MKX: variants seen among roughly 807,000 people sequenced by gnomAD.
MKX encodes the protein mohawk homeobox, also known as homeobox protein Mohawk.
Under a neutral mutation model 36.0 loss-of-function variants are expected in MKX, and 13 were observed. The ratio of observed to expected loss-of-function variants is 0.36; its 90% CI spans 0.24 to 0.57. The LOEUF (loss-of-function observed/expected upper bound fraction) is 0.57. Among genes scored for constraint, MKX ranks in the 20% least tolerant of loss-of-function variants. The pLI is 0.79. For missense variants in MKX, 458 were observed against 456.4 expected, an observed-to-expected ratio of 1.00 and a Z score of -0.03; for synonymous variants, 176 against 178.3, an observed-to-expected ratio of 0.99 and a Z score of 0.10.
At chr10:27,713,511 G>C (rs908675561) in intron 5 of MKX, among the ~76,000 whole-genome samples, 2 of 152,204 alleles carry the variant, frequency 1.3e-5, no homozygotes, top group Non-Finnish European at 2.9e-5. Flanking sequence ...CAAGTGGAAA[G>C]AGCCTGAACC....
intron 5 of MKX, among the ~76,000 whole-genome samples, chr10:27,702,606 G>A (rs1353340624): frequency 6.6e-6 from 1 of 152,076 alleles, no homozygotes; most frequent in Non-Finnish European, 1.5e-5. Flanking sequence ...TGTGTCTAAG[G>A]GTGAAAGAAG....
intron 5 of MKX, among the ~76,000 whole-genome samples, chr10:27,716,623 A>C (rs1203017333): frequency 6.6e-6 from 1 of 152,162 alleles, no homozygotes; most frequent in Non-Finnish European, 1.5e-5. Context: ...ACTTACTTAG[A>C]CAGGATTTGA....
Position 27,734,662 on chromosome 10 carries a change from T to C in MKX, c.632A>G (p.Asp211Gly). 1.2e-6 allele frequency: 2 copies of C among 1,614,144 alleles called. No individual in the cohort carries two copies. The highest frequency in any genetic ancestry group is 2.2e-5 in the East Asian group (1 of 44,876). The change falls in exon 5 of 7, where the codon GAC becomes GGC. Residue 211 changes from aspartate to glycine, a missense_variant. Around this residue, in one of 3 missense-constraint regions of MKX, gnomAD observed 297 missense variants for 304.4 expected, o/e 0.98. Coordinates refer to ENST00000419761, the MANE Select transcript of MKX (RefSeq NM_173576.3). ...GVRPESRASE[D>G]YVAPPKYKSS... The stretch of plus-strand genomic sequence containing the variant: ...CTTGTATTTGGGGGGTGCCACGTAG[T>C]CCTCACTGGCCCGTGACTCTGGCCT...
At chr10:27,683,415 A>C (rs1211055472) in intron 5 of MKX, among the ~76,000 whole-genome samples, 2 of 152,254 alleles carry the variant, frequency 1.3e-5, no homozygotes, top group Non-Finnish European at 2.9e-5. Context: ...GGTTTGTGTT[A>C]GTACACACTA....
intron 1 of MKX, chr10:27,745,014 C>T (rs1171078825): frequency 6.6e-6 from 1 of 152,370 alleles, no homozygotes; most frequent in Non-Finnish European, 1.5e-5. Flanking sequence ...GTGCTTGCAG[C>T]CCCTGTTCTA....
chr10:27,685,736 C>A (rs545916990), intron 5 of MKX, among the ~76,000 whole-genome samples: 1 of 152,298 alleles, frequency 6.6e-6, no homozygotes, highest in Non-Finnish European at 1.5e-5. Flanking sequence ...AGGCGTCAGC[C>A]ACCACACCCG....
At chr10:27,682,616 G>A (rs947740369) in intron 5 of MKX, among the ~76,000 whole-genome samples, 1 of 152,324 alleles carries the variant, frequency 6.6e-6, no homozygotes, top group Non-Finnish European at 1.5e-5. Context: ...CCACGGACCA[G>A]GGATGGGGGT....
intron 5 of MKX, among the ~76,000 whole-genome samples, chr10:27,716,689 G>A (rs537334067): frequency 6.6e-6 from 1 of 151,884 alleles, no homozygotes. Context: ...ACATTTTTTT[G>A]TACTTTATAA....
intron 5 of MKX, among the ~76,000 whole-genome samples, chr10:27,685,036 C>T (rs369117863): frequency 1.3e-5 from 2 of 152,304 alleles, no homozygotes; most frequent in African/African-American, 4.8e-5. Context: ...TGTGTGACAG[C>T]ACCACCACCC....
chr10:27,695,715 T>A (rs1225247328), intron 5 of MKX, among the ~76,000 whole-genome samples: 2 of 152,080 alleles, frequency 1.3e-5, no homozygotes, highest in Non-Finnish European at 2.9e-5. Flanking sequence ...AGGGCCCTAC[T>A]AAAGGTAAAA....
chr10:27,703,004 A>G (rs891692562), intron 5 of MKX, among the ~76,000 whole-genome samples: 3 of 152,172 alleles, frequency 2.0e-5, no homozygotes, highest in Admixed American at 6.5e-5. Flanking sequence ...GAAAAGCTTC[A>G]GGTTTGGAAT....
chr10:27,697,636 T>C (rs1434243894), intron 5 of MKX, among the ~76,000 whole-genome samples: 1 of 152,234 alleles, frequency 6.6e-6, no homozygotes, highest in Non-Finnish European at 1.5e-5. Context: ...TTCTCCATGT[T>C]GTCTTTGTTT....
At chr10:27,696,202 T>C (rs1327657458) in intron 5 of MKX, among the ~76,000 whole-genome samples, 1 of 152,192 alleles carries the variant, frequency 6.6e-6, no homozygotes, top group Non-Finnish European at 1.5e-5. Context: ...TGGGATTTTA[T>C]TCAAAAAGGT....
At chr10:27,710,840 G>C (rs902475578) in intron 5 of MKX, among the ~76,000 whole-genome samples, 1 of 152,014 alleles carries the variant, frequency 6.6e-6, no homozygotes, top group Non-Finnish European at 1.5e-5. Context: ...TGTATTTTTA[G>C]TAGAGATGGG....
rs1335560720 is a variant in MKX at position 27,674,348 on chromosome 10, A to G, written c.*881T>C. On this transcript the variant is annotated 3_prime_UTR_variant, in exon 7 of 7. Coordinates refer to ENST00000419761, the MANE Select transcript of MKX (RefSeq NM_173576.3). The stretch of plus-strand genomic sequence containing the variant: ...AATAAAAGATTTTTAGTCATTCCAT[A>G]CGAACACAGTTTCCATCACAAAAAG... The G allele has an allele frequency of 6.6e-6, 1 of 152,662 alleles. No individual in the cohort carries two copies. The highest frequency in any genetic ancestry group is 1.9e-4 in the East Asian group (1 of 5,200). 9.5% of individuals were successfully genotyped at this position (152,662 alleles called of 1,614,324 possible). A position where few individuals can be genotyped will look rare whatever the true frequency, so the allele number is the denominator to read the frequency against.
intron 5 of MKX, among the ~76,000 whole-genome samples, chr10:27,679,626 G>A (rs1020152236): frequency 1.3e-5 from 2 of 152,148 alleles, no homozygotes; most frequent in African/African-American, 4.8e-5. Context: ...AAACATTTGT[G>A]CTTTTTTAGG....
intron 5 of MKX, among the ~76,000 whole-genome samples, chr10:27,676,128 C>G (rs1836143406): frequency 6.6e-6 from 1 of 152,002 alleles, no homozygotes; most frequent in African/African-American, 2.4e-5. Flanking sequence ...ATAAAAATAG[C>G]TGGGTATGGT....
chr10:27,697,822 G>C (rs376508934), intron 5 of MKX, among the ~76,000 whole-genome samples: 8 of 152,308 alleles, frequency 5.3e-5, no homozygotes, highest in African/African-American at 1.4e-4. Flanking sequence ...GGGAACAGAG[G>C]GGGGTTGGAG....
At chr10:27,730,110 CTGAG>C (rs1834591500) in intron 5 of MKX, among the ~76,000 whole-genome samples, 1 of 152,182 alleles carries the variant, frequency 6.6e-6, no homozygotes, top group African/African-American at 2.4e-5. Flanking sequence ...ACAGATGACA[CTGAG>C]TGACTAAATT....
Sources: allele counts gnomAD v4.1 joint callset (sites outside exome capture counted in the v4.1 genomes callset), GRCh38; gene constraint gnomAD v4.1.1; regional missense constraint gnomAD v4.1.1; transcripts MANE v1.5; gene names NCBI Gene and HGNC (gene_info 2026-07-23, HGNC 2026-07-21).